Variants in POU6F2 observed in about 807,000 individuals in gnomAD.
The protein encoded by POU6F2 is POU class 6 homeobox 2.
A neutral mutation model predicts 71.3 loss-of-function variants in POU6F2; 31 were observed. The ratio of observed to expected loss-of-function variants is 0.43; its 90% CI spans 0.33 to 0.59. The LOEUF is 0.59. Ranked by LOEUF, POU6F2 falls within the 20% of genes least tolerant of loss-of-function variation. The pLI is 0.04. For missense variants in POU6F2, 783 were observed against 856.8 expected (o/e 0.91, Z 1.07); for synonymous variants, 347 against 355.7 (o/e 0.98, Z 0.27).
chr7:39,337,537 C>T (rs1210824763), intron 4 of POU6F2, among the ~76,000 whole-genome samples: 1 of 151,614 alleles, frequency 6.6e-6, no homozygotes, highest in South Asian at 2.1e-4. Flanking sequence ...ATTAATACAT[C>T]CTTGAACCTT....
chr7:39,397,220 T>G (rs1207884236), intron 5 of POU6F2, among the ~76,000 whole-genome samples: 2 of 151,952 alleles, frequency 1.3e-5, no homozygotes, highest in Non-Finnish European at 2.9e-5. Flanking sequence ...CATGACAGAT[T>G]GGAGCACAGG....
At chr7:39,443,394 C>T (rs566885669) in intron 7 of POU6F2, among the ~76,000 whole-genome samples, 3 of 152,270 alleles carry the variant, frequency 2.0e-5, no homozygotes, top group East Asian at 1.9e-4. Context: ...AAGAGCAATG[C>T]GGGAACCATC....
chr7:38,978,563 A>C (rs1184988203), intron 1 of POU6F2, among the ~76,000 whole-genome samples: 3 of 152,122 alleles, frequency 2.0e-5, no homozygotes, highest in African/African-American at 7.2e-5. Context: ...AACCCAGATA[A>C]TGTGTGATTG....
intron 1 of POU6F2, among the ~76,000 whole-genome samples, chr7:39,012,857 C>T (rs1190213051): frequency 6.6e-6 from 1 of 152,004 alleles, no homozygotes; most frequent in Non-Finnish European, 1.5e-5. Flanking sequence ...GGTCAGGGAC[C>T]CACTTGAGGA....
rs2128721901 is a variant in POU6F2 at position 39,091,261 on chromosome 7, A to G, written c.277+5230A>G. Among the ~76,000 whole-genome samples, 2 of 152,292 alleles carry G rather than the reference A, an allele frequency of 1.3e-5. 1 individual carries two copies. Among genetic ancestry groups the G allele is most frequent in the South Asian group, 4.2e-4 (2 of 4,818 alleles). The stretch of plus-strand genomic sequence containing the variant: ...GCACTTCAATGGGGGACAGTGCACA[A>G]TATGTGTCAGAATCGTCAGTGGGGA... On this transcript the variant is annotated intron_variant, in intron 2 of 9. Transcript: ENST00000518318.
intron 4 of POU6F2, among the ~76,000 whole-genome samples, chr7:39,301,437 A>G (rs761599886): frequency 6.6e-6 from 1 of 152,222 alleles, no homozygotes; most frequent in African/African-American, 2.4e-5. Context: ...GTTGTCATCC[A>G]CAACCTGTAA....
rs140891071 is a variant in POU6F2 at position 39,367,535 on chromosome 7, C to T, written c.972+27520C>T. 4.2e-3 allele frequency among the ~76,000 whole-genome samples: 636 copies of T among 152,270 alleles called. 4 individuals are homozygous for T. Among genetic ancestry groups the T allele is most frequent in the African/African-American group, 0.014 (582 of 41,548 alleles). On this transcript the variant is annotated intron_variant, in intron 5 of 9. Coordinates refer to ENST00000518318, the MANE Select transcript of POU6F2 (RefSeq NM_001370959.1). ...GTGTAAAATGTAAATCTTTTAAAAG[C>T]ATTTTGCCCCCATCCCCTGCCTTCT...
At chr7:39,281,396 T>C (rs1223401782) in intron 4 of POU6F2, among the ~76,000 whole-genome samples, 1 of 152,162 alleles carries the variant, frequency 6.6e-6, no homozygotes, top group African/African-American at 2.4e-5. Flanking sequence ...TATCAGGACT[T>C]ACTCCTCCTA....
At chr7:39,419,088 T>C in intron 6 of POU6F2, among the ~76,000 whole-genome samples, 1 of 75,846 alleles carries the variant, frequency 1.3e-5, no homozygotes, top group Non-Finnish European at 2.7e-5. Flanking sequence ...TATATACGTA[T>C]ATGTGTATAT....
At chr7:39,376,387 C>T (rs1786711013) in intron 5 of POU6F2, among the ~76,000 whole-genome samples, 2 of 151,994 alleles carry the variant, frequency 1.3e-5, no homozygotes, top group African/African-American at 4.8e-5. Context: ...AGTGAGTAGT[C>T]AGGAGGGGTA....
chr7:39,456,185 G>A (rs574925957), intron 8 of POU6F2, among the ~76,000 whole-genome samples: 3 of 152,300 alleles, frequency 2.0e-5, no homozygotes, highest in Admixed American at 2.0e-4. Flanking sequence ...GATCCACCTT[G>A]TGAGAGATCT....
intron 4 of POU6F2, among the ~76,000 whole-genome samples, chr7:39,310,016 A>ATCT (rs1411330811): frequency 6.6e-6 from 1 of 152,168 alleles, no homozygotes; most frequent in Non-Finnish European, 1.5e-5. Flanking sequence ...TGGAGAATTT[A>ATCT]GCTCTTTTGG....
At chr7:39,227,417 CTG>C (rs966790374) in intron 4 of POU6F2, among the ~76,000 whole-genome samples, 30 of 152,128 alleles carry the variant, frequency 2.0e-4, no homozygotes, top group African/African-American at 7.0e-4. Flanking sequence ...CTTCCTAGCT[CTG>C]TAACTACAGA....
intron 4 of POU6F2, among the ~76,000 whole-genome samples, chr7:39,323,978 G>C (rs1785454639): frequency 6.6e-6 from 1 of 151,656 alleles, no homozygotes; most frequent in African/African-American, 2.4e-5. Flanking sequence ...CCTGGTCGTG[G>C]GTGCCTGTAA....
intron 1 of POU6F2, among the ~76,000 whole-genome samples, chr7:39,076,481 G>A (rs1167098909): frequency 2.0e-5 from 3 of 152,064 alleles, no homozygotes; most frequent in Non-Finnish European, 4.4e-5. Flanking sequence ...AAACCTGCAC[G>A]TCCTGCACAT....
chr7:39,206,041 T>C (rs1794005294), intron 3 of POU6F2, among the ~76,000 whole-genome samples: 2 of 152,214 alleles, frequency 1.3e-5, no homozygotes, highest in Non-Finnish European at 2.9e-5. Context: ...TACTAACCTC[T>C]CTGTATCTCA....
At chr7:39,059,671 T>G (rs7804890) in intron 1 of POU6F2, among the ~76,000 whole-genome samples, 8,984 of 152,168 alleles carry the variant, frequency 0.059, 458 homozygotes, top group African/African-American at 0.13. Flanking sequence ...GAAATGATAT[T>G]CCTAAATCTA....
intron 5 of POU6F2, among the ~76,000 whole-genome samples, chr7:39,343,830 C>T (rs1785974060): frequency 6.6e-6 from 1 of 152,202 alleles, no homozygotes; most frequent in South Asian, 2.1e-4. Context: ...GTTAGTAGGC[C>T]TCTGGAATTT....
intron 4 of POU6F2, among the ~76,000 whole-genome samples, chr7:39,227,041 G>A (rs924732724): frequency 6.6e-6 from 1 of 152,152 alleles, no homozygotes; most frequent in African/African-American, 2.4e-5. Context: ...TAAAGCATAA[G>A]CTGTGAAATT....
Sources: allele counts gnomAD v4.1 joint callset (sites outside exome capture counted in the v4.1 genomes callset), GRCh38; gene constraint gnomAD v4.1.1; transcripts MANE v1.5; gene names NCBI Gene and HGNC (gene_info 2026-07-23, HGNC 2026-07-21).